PEX11A: variants seen among roughly 807,000 people sequenced by gnomAD.
The protein encoded by PEX11A is peroxisomal biogenesis factor 11 alpha, also known as peroxisomal membrane protein 11A.
In PEX11A, 13 loss-of-function variants were observed where a neutral mutation model predicts 14.4. The observed-to-expected ratio is 0.90, with a 90% CI of 0.59 to 1.43. The LOEUF (loss-of-function observed/expected upper bound fraction) is 1.43. Among genes scored for constraint, PEX11A ranks in the 40% most tolerant of loss-of-function variants. The pLI is 0.00. For synonymous variants in PEX11A, 101 were observed against 113.0 expected (o/e 0.89, Z 0.67); for missense variants, 290 against 302.8 (o/e 0.96, Z 0.31).
Position 89,681,654 on chromosome 15 carries a change from T to C in PEX11A, c.*1723A>G, listed in dbSNP as rs1371683424. 3 of 556,174 alleles carry C rather than the reference T, an allele frequency of 5.4e-6. No homozygotes were observed. The highest frequency in any genetic ancestry group is 9.6e-6 in the Non-Finnish European group (3 of 311,854). The allele number at this position is 556,174 out of a possible 1,614,324, so 34.5% of individuals were successfully genotyped here. A position where few individuals can be genotyped will look rare whatever the true frequency, so the allele number is the denominator to read the frequency against. On this transcript the variant is annotated 3_prime_UTR_variant, in exon 3 of 3. Coordinates refer to ENST00000300056, the MANE Select transcript of PEX11A (RefSeq NM_003847.3). ...TAGTAGCTTTCATGTCTCTTAAAAT[T>C]CCCTAAATTTTATTTCTCAAATCCC... is the stretch of plus-strand genomic sequence containing the variant.
chr15:89,688,656 G>T (rs555574399), intron 1 of PEX11A, among the ~76,000 whole-genome samples: 4 of 151,916 alleles, frequency 2.6e-5, no homozygotes, highest in Admixed American at 2.6e-4. Flanking sequence ...CTCCCAAAGT[G>T]CTGGGACTAC....
intron 1 of PEX11A, among the ~76,000 whole-genome samples, chr15:89,687,395 T>C (rs1223854305): frequency 6.6e-6 from 1 of 152,242 alleles, no homozygotes; most frequent in Non-Finnish European, 1.5e-5. Context: ...AGTATAAATA[T>C]GTTTTCATAG....
intron 2 of PEX11A, among the ~76,000 whole-genome samples, chr15:89,686,158 A>G (rs1363493152): frequency 2.0e-5 from 3 of 152,228 alleles, no homozygotes; most frequent in African/African-American, 7.2e-5. Flanking sequence ...CTAAGAACTA[A>G]AGGTGAACTA....
intron 1 of PEX11A, among the ~76,000 whole-genome samples, chr15:89,689,087 G>T (rs1964738398): frequency 6.6e-6 from 1 of 152,082 alleles, no homozygotes; most frequent in Non-Finnish European, 1.5e-5. Flanking sequence ...GGAATTACAG[G>T]TTTCTATTTA....
At chr15:89,688,705 T>G (rs559747055) in intron 1 of PEX11A, among the ~76,000 whole-genome samples, 27 of 146,398 alleles carry the variant, frequency 1.8e-4, no homozygotes, top group East Asian at 1.2e-3. Flanking sequence ...TGATGATGAT[T>G]ATTATTTTTA....
chr15:89,683,389 C>G lies in PEX11A; in HGVS notation c.732G>C (p.Leu244=). The change falls in exon 3 of 3, where the codon CTG becomes CTC. Residue 244 remains leucine (L), a synonymous_variant. Coordinates refer to ENST00000300056, the MANE Select transcript of PEX11A (RefSeq NM_003847.3). The stretch of plus-strand genomic sequence containing the variant: ...GCCTAAAAACACCCTAACGGGTCTT[C>G]AGCTTCATCTGAGGATATGCCACAG... ...MITVAYPQMK[L]KTR 1 of 1,611,714 alleles carries G rather than the reference C, an allele frequency of 6.2e-7. No individual in the cohort carries two copies. Among genetic ancestry groups the G allele is most frequent in the Non-Finnish European group, 8.5e-7 (1 of 1,178,872 alleles).
Position 89,683,376 on chromosome 15 carries a change from C to T in PEX11A, c.*1G>A. 6.2e-7 allele frequency: 1 copy of T among 1,606,548 alleles called. No homozygotes were observed. The highest frequency in any genetic ancestry group is 8.5e-7 in the Non-Finnish European group (1 of 1,175,884). The stretch of plus-strand genomic sequence containing the variant: ...GTACTAGTTCCAAGCCTAAAAACAC[C>T]CTAACGGGTCTTCAGCTTCATCTGA... On this transcript the variant is annotated 3_prime_UTR_variant, in exon 3 of 3. Transcript: ENST00000300056.
rs2141547319 is a variant in PEX11A at position 89,683,623 on chromosome 15, C to A, written c.498G>T (p.Trp166Cys). ...KEKSASQDPL[W>C]FSVAEEETEW... ...CTGTTTCCTCCTCAGCCACGCTGAA[C>A]CAAAGAGGATCCTGGGATGCTGATT... Residue 166 changes from tryptophan (W) to cysteine (C), a missense_variant, in exon 3 of 3, where the codon TGG (tryptophan) becomes TGT (cysteine). Coordinates refer to ENST00000300056, the MANE Select transcript of PEX11A (RefSeq NM_003847.3). 1 of 1,614,108 alleles carries A rather than the reference C, an allele frequency of 6.2e-7. No homozygotes were observed. The highest frequency in any genetic ancestry group is 1.7e-5 in the Admixed American group (1 of 60,018).
chr15:89,686,290 G>C (rs144819403), intron 2 of PEX11A, 141 bp downstream of exon 2: 326 of 593,826 alleles, frequency 5.5e-4, no homozygotes, highest in Middle Eastern at 1.3e-3. Flanking sequence ...TGTGCCATGA[G>C]GACAGCCTTA....
At position 89,686,506 on chromosome 15, in the gene PEX11A, C is replaced by G; in HGVS notation, c.97G>C (p.Glu33Gln). The change falls in exon 2 of 3, where the codon GAG (glutamate) becomes CAG (glutamine). Residue 33 changes from glutamate to glutamine, a missense_variant. Coordinates refer to ENST00000300056, the MANE Select transcript of PEX11A (RefSeq NM_003847.3). ...YTCMLLRYLLEPKAGKEKVVM... is the reference protein window; with the variant it reads ...YTCMLLRYLLQPKAGKEKVVM... Reference sequence around the variant, plus strand: ...ACCTTCTCTTTGCCAGCTTTGGGCTCTAACAAATATCTAAGCAACATGCAT... The same window carrying G: ...ACCTTCTCTTTGCCAGCTTTGGGCTGTAACAAATATCTAAGCAACATGCAT... The G allele has an allele frequency of 6.2e-7, 1 of 1,604,086 alleles. No homozygotes were observed. Among genetic ancestry groups the G allele is most frequent in the South Asian group, 1.1e-5 (1 of 90,848 alleles).
chr15:89,687,272 C>A (rs984841147), intron 1 of PEX11A, among the ~76,000 whole-genome samples: 2 of 152,092 alleles, frequency 1.3e-5, no homozygotes, highest in Non-Finnish European at 2.9e-5. Flanking sequence ...CTTAACCTAC[C>A]ATCTATGTGA....
chr15:89,687,972 C>T (rs1964701600), intron 1 of PEX11A: 2 of 554,614 alleles, frequency 3.6e-6, no homozygotes, highest in Non-Finnish European at 7.0e-6. Context: ...CTTATCTCCT[C>T]CCAGTTCAAA....
chr15:89,689,838 G>T (rs970581484), intron 1 of PEX11A, among the ~76,000 whole-genome samples: 1 of 152,114 alleles, frequency 6.6e-6, no homozygotes, highest in Non-Finnish European at 1.5e-5. Context: ...AACATTTCAA[G>T]AGGTATTTGA....
intron 1 of PEX11A, among the ~76,000 whole-genome samples, chr15:89,687,440 A>G (rs1964694459): frequency 6.6e-6 from 1 of 152,246 alleles, no homozygotes; most frequent in Non-Finnish European, 1.5e-5. Flanking sequence ...TTTACATAAA[A>G]TACAGGCAGA....
Position 89,683,760 on chromosome 15 carries a change from T to G in PEX11A, c.361A>C (p.Thr121Pro). Residue 121 changes from threonine to proline, a missense_variant, in exon 3 of 3, where the codon ACG becomes CCG. Thr to Pro is a conservative substitution (Grantham distance 38). Transcript: ENST00000300056. ...TSGINKEKWR[T>P]RAAHHYYYSL... Reference sequence around the variant, plus strand: ...TAGTAGTAGTGGTGAGCAGCCCTCGTTCGCCATTTCTCTTTGTTGATGCCA... The same window carrying G: ...TAGTAGTAGTGGTGAGCAGCCCTCGGTCGCCATTTCTCTTTGTTGATGCCA... The G allele has an allele frequency of 6.2e-7, 1 of 1,614,136 alleles. No homozygotes were observed. The highest frequency in any genetic ancestry group is 8.5e-7 in the Non-Finnish European group (1 of 1,179,972).
intron 1 of PEX11A, chr15:89,688,199 T>G (rs1234086976): frequency 1.9e-6 from 1 of 536,230 alleles, no homozygotes; most frequent in African/African-American, 1.9e-5. Context: ...GTGGGGTTGG[T>G]GCTTGCCACA....
Position 89,683,422 on chromosome 15 carries a change from G to A in PEX11A, c.699C>T (p.Gly233=), listed in dbSNP as rs1022459454. 1.2e-6 allele frequency: 2 copies of A among 1,613,928 alleles called. No individual in the cohort carries two copies. The highest frequency in any genetic ancestry group is 1.7e-6 in the Non-Finnish European group (2 of 1,179,972). The change falls in exon 3 of 3, where the codon GGC becomes GGT. Residue 233 remains glycine, a synonymous_variant. Transcript: ENST00000300056. ...TCTGAGGATATGCCACAGTGATCAT[G>A]CCTGCTATAGAGGACACAAGACCTC... is the stretch of plus-strand genomic sequence containing the variant. ...GLGGLVSSIA[G]MITVAYPQMK... is the part of the protein sequence containing the mutation.
At chr15:89,687,255 C>G (rs1377389600) in intron 1 of PEX11A, among the ~76,000 whole-genome samples, 1 of 152,124 alleles carries the variant, frequency 6.6e-6, no homozygotes, top group Admixed American at 6.6e-5. Context: ...AACTTTTCTA[C>G]CATGTACTTA....
At position 89,683,926 on chromosome 15, in the gene PEX11A, TACC is replaced by T. The variant is rs761652440; in HGVS notation, c.192_194del (p.Val65del). On this transcript the variant is annotated inframe_deletion, in exon 3 of 3. Coordinates refer to ENST00000300056, the MANE Select transcript of PEX11A (RefSeq NM_003847.3). ...TCTGCTCAGTTGCCTGTATAGCATG[TACC>T]ACATTGCCTAGTCTGAACCCTGCAA... 6.2e-7 allele frequency: 1 copy of T among 1,612,912 alleles called. No individual in the cohort carries two copies. Among genetic ancestry groups the T allele is most frequent in the African/African-American group, 1.3e-5 (1 of 75,056 alleles).
Sources: allele counts gnomAD v4.1 joint callset (sites outside exome capture counted in the v4.1 genomes callset), GRCh38; gene constraint gnomAD v4.1.1; transcripts MANE v1.5; gene names NCBI Gene and HGNC (gene_info 2026-07-23, HGNC 2026-07-21).